KATNAL2: variants seen among roughly 807,000 people sequenced by gnomAD.
The protein encoded by KATNAL2 is katanin p60 ATPase-containing subunit A-like 2.
KATNAL2 carries 52 observed loss-of-function variants against 76.3 expected under a neutral mutation model. The observed-to-expected ratio is 0.68, with a 90% CI of 0.55 to 0.86. KATNAL2 has a LOEUF of 0.86. Ranked by LOEUF, KATNAL2 falls within the 40% of genes least tolerant of loss-of-function variation. The pLI is 0.00. For missense variants in KATNAL2, 660 were observed against 668.9 expected, an observed-to-expected ratio of 0.99 and a Z score of 0.15; for synonymous variants, 243 against 244.2, an observed-to-expected ratio of 1.00 and a Z score of 0.05.
chr18:47,078,814 C>A (rs1005218489), intron 15 of KATNAL2, among the ~76,000 whole-genome samples: 6 of 152,200 alleles, frequency 3.9e-5, no homozygotes, highest in African/African-American at 1.2e-4. Context: ...GGTCAAAAAA[C>A]CAAAAACAAA....
intron 1 of KATNAL2, among the ~76,000 whole-genome samples, chr18:46,921,775 A>G (rs1419501980): frequency 6.6e-6 from 1 of 152,014 alleles, no homozygotes; most frequent in Non-Finnish European, 1.5e-5. Context: ...GAGCATTCCA[A>G]CCTGGTTGGA....
chr18:47,057,185 T>C (rs2061496998), intron 6 of KATNAL2, among the ~76,000 whole-genome samples: 1 of 152,202 alleles, frequency 6.6e-6, no homozygotes, highest in Non-Finnish European at 1.5e-5. Context: ...GAAGTTGAAA[T>C]AGCAGCTCTC....
At chr18:47,032,041 G>C (rs1019602505) in intron 3 of KATNAL2, among the ~76,000 whole-genome samples, 15 of 152,230 alleles carry the variant, frequency 9.9e-5, no homozygotes, top group African/African-American at 3.1e-4. Flanking sequence ...GTCCTTTCAT[G>C]GTAATTAGAA....
In KATNAL2 at chr18:47,034,361, C is replaced by G. The variant is rs140916062; in HGVS notation, c.52-12096C>G. On this transcript the variant is annotated intron_variant, in intron 3 of 17. Transcript: ENST00000683218. ...TGCTGAGGCCTCTTCTGGTGACTGT[C>G]TGGAGCCTCCTCCAAGGCAGGGACA... 4.7e-3 allele frequency: 7,624 copies of G among 1,614,010 alleles called. 46 individuals are homozygous for G. The highest frequency in any genetic ancestry group is 5.8e-3 in the Middle Eastern group (35 of 6,062).
Position 46,924,243 on chromosome 18 carries a change from T to A in KATNAL2, c.-510+6317T>A, listed in dbSNP as rs536518161. Among the ~76,000 whole-genome samples the A allele has an allele frequency of 4.6e-5, 7 of 152,308 alleles. No individual in the cohort carries two copies. The South Asian group carries it at 6.2e-4, about 14-fold the overall frequency. On this transcript the variant is annotated intron_variant, in intron 1 of 17. Transcript: ENST00000683218. ...TTAAGTCTTTAATCCATCTTGAATT[T>A]ATTTTTGTATAAGGTGTAAGGGAGG...
At position 47,075,379 on chromosome 18, in the gene KATNAL2, G is replaced by T; in HGVS notation, c.1100+11G>T. ...AGGCACAGCTTCTGGGTAACAGACA[G>T]GGTTGGGGTTTTTGTTGTTGTTGTT... On this transcript the variant is annotated intron_variant, in intron 14 of 17. Coordinates refer to ENST00000683218, the MANE Select transcript of KATNAL2 (RefSeq NM_001387690.1). 6.7e-7 allele frequency: 1 copy of T among 1,488,408 alleles called. No individual in the cohort carries two copies. The highest frequency in any genetic ancestry group is 1.8e-4 in the Middle Eastern group (1 of 5,644). 92.2% of individuals were successfully genotyped at this position (1,488,408 alleles called of 1,614,324 possible).
At chr18:46,932,767 T>C (rs972873663) in intron 1 of KATNAL2, among the ~76,000 whole-genome samples, 2 of 151,812 alleles carry the variant, frequency 1.3e-5, no homozygotes, top group Admixed American at 1.3e-4. Flanking sequence ...AGTTTTTTTG[T>C]TTGCTTGTTT....
intron 1 of KATNAL2, among the ~76,000 whole-genome samples, chr18:46,926,843 C>T (rs2058742714): frequency 6.6e-6 from 1 of 152,066 alleles, no homozygotes. Context: ...TATGTAATGG[C>T]CTTCTTTGTC....
chr18:47,068,106 A>C (rs1027093079), intron 11 of KATNAL2, among the ~76,000 whole-genome samples: 1 of 152,200 alleles, frequency 6.6e-6, no homozygotes, highest in South Asian at 2.1e-4. Context: ...TATATTTTCA[A>C]GTCTTTTACA....
intron 11 of KATNAL2, among the ~76,000 whole-genome samples, chr18:47,067,513 C>T (rs1219310444): frequency 6.6e-6 from 1 of 152,168 alleles, no homozygotes; most frequent in Non-Finnish European, 1.5e-5. Flanking sequence ...CCCTGACCTA[C>T]CCTCCCCAGG....
intron 15 of KATNAL2, among the ~76,000 whole-genome samples, chr18:47,088,054 G>A (rs1488017611): frequency 6.6e-6 from 1 of 152,056 alleles, no homozygotes; most frequent in African/African-American, 2.4e-5. Context: ...CTCTAAGGTC[G>A]GGGGGCAGTT....
intron 15 of KATNAL2, among the ~76,000 whole-genome samples, chr18:47,081,645 C>T (rs2062527547): frequency 6.6e-6 from 1 of 152,182 alleles, no homozygotes; most frequent in African/African-American, 2.4e-5. Context: ...TGCCTCCCAA[C>T]ATTTATTTCA....
intron 10 of KATNAL2, among the ~76,000 whole-genome samples, chr18:47,065,629 C>A (rs897944543): frequency 6.6e-6 from 1 of 151,908 alleles, no homozygotes; most frequent in Non-Finnish European, 1.5e-5. Flanking sequence ...GCCTGGGTGA[C>A]AGAGTGAGAC....
intron 3 of KATNAL2, among the ~76,000 whole-genome samples, chr18:47,039,743 G>T (rs1432909653): frequency 6.6e-6 from 1 of 152,198 alleles, no homozygotes. Context: ...AGAAGCAAAT[G>T]CTTCTAGTGA....
intron 3 of KATNAL2, among the ~76,000 whole-genome samples, chr18:47,042,499 A>T (rs560871777): frequency 6.6e-6 from 1 of 152,268 alleles, no homozygotes; most frequent in Non-Finnish European, 1.5e-5. Flanking sequence ...AATATTGAGC[A>T]TAACTGAACC....
intron 1 of KATNAL2, among the ~76,000 whole-genome samples, chr18:46,927,160 G>A (rs972630523): frequency 9.9e-5 from 15 of 152,090 alleles, no homozygotes; most frequent in African/African-American, 3.6e-4. Flanking sequence ...TTGTTAGTTG[G>A]TGCAGTTTCT....
intron 6 of KATNAL2, among the ~76,000 whole-genome samples, chr18:47,056,817 C>T (rs1599692331): frequency 1.5e-5 from 2 of 132,674 alleles, no homozygotes; most frequent in East Asian, 4.7e-4. Context: ...CACACACACA[C>T]ACAAACACAT....
intron 15 of KATNAL2, among the ~76,000 whole-genome samples, chr18:47,093,509 TA>T (rs1324252811): frequency 4.0e-5 from 6 of 151,708 alleles, no homozygotes; most frequent in Non-Finnish European, 8.8e-5. Context: ...TGTGTGTGTG[TA>T]TTTATGTGCA....
chr18:46,926,910 C>CT (rs1491429587), intron 1 of KATNAL2, among the ~76,000 whole-genome samples: 1 of 152,144 alleles, frequency 6.6e-6, no homozygotes, highest in Non-Finnish European at 1.5e-5. Context: ...ATTGCAACCC[C>CT]TGTCTTTTTC....
Sources: gnomAD v4.1 joint callset for allele counts (sites outside exome capture counted in the v4.1 genomes callset) on GRCh38, gnomAD v4.1.1 for gene constraint, MANE v1.5 for transcripts, NCBI Gene and HGNC (gene_info 2026-07-23, HGNC 2026-07-21) for gene names.